Variants in DSCAM observed in about 807,000 individuals in gnomAD.
DSCAM encodes the protein cell adhesion molecule DSCAM.
Under a neutral mutation model 217.7 loss-of-function variants are expected in DSCAM, and 47 were observed. The ratio of observed to expected loss-of-function variants is 0.22; its 90% confidence interval spans 0.17 to 0.28. The LOEUF is 0.28. Ranked by LOEUF, DSCAM falls within the 10% of genes least tolerant of loss-of-function variation. The pLI is 1.00. For synonymous variants in DSCAM, 1,056 were observed against 1,015.3 expected, an observed-to-expected ratio of 1.04 and a Z score of -0.76; for missense variants, 2,080 against 2,618.3, an observed-to-expected ratio of 0.79 and a Z score of 4.49.
intron 3 of DSCAM, among the ~76,000 whole-genome samples, chr21:40,474,904 C>T (rs1205800431): frequency 1.3e-5 from 2 of 152,058 alleles, no homozygotes; most frequent in Non-Finnish European, 2.9e-5. Context: ...CCAGTGCAGG[C>T]AGACCCACAC....
intron 20 of DSCAM, among the ~76,000 whole-genome samples, chr21:40,106,012 C>T (rs1258681731): frequency 1.3e-5 from 2 of 152,058 alleles, no homozygotes; most frequent in African/African-American, 4.8e-5. Context: ...TGAAGAAATA[C>T]CAGAGACTGT....
intron 3 of DSCAM, among the ~76,000 whole-genome samples, chr21:40,581,839 AATTT>A (rs1447205369): frequency 2.0e-5 from 3 of 152,242 alleles, no homozygotes; most frequent in South Asian, 2.1e-4. Context: ...CATATAGAAG[AATTT>A]CTTTCTTTTA....
rs2088082348 is a variant in DSCAM, at chr21:40,012,866, G to A, written c.*168C>T. 2.1e-6 allele frequency: 1 copy of A among 486,632 alleles called. No individual in the cohort carries two copies. The highest frequency in any genetic ancestry group is 2.0e-5 in the African/African-American group (1 of 49,728). The allele number at this position is 486,632 out of a possible 1,614,324, so 30.1% of individuals were successfully genotyped here. On this transcript the variant is annotated 3_prime_UTR_variant, in exon 33 of 33. Coordinates refer to ENST00000400454, the MANE Select transcript of DSCAM (RefSeq NM_001389.5). The stretch of plus-strand genomic sequence containing the variant: ...GAGCTCACACTCAGACAGAAAAAAA[G>A]CAGGAGAGTCTTTGCACTGTCTGTG...
intron 3 of DSCAM, among the ~76,000 whole-genome samples, chr21:40,662,155 A>G (rs1362810586): frequency 6.6e-6 from 1 of 152,156 alleles, no homozygotes; most frequent in Non-Finnish European, 1.5e-5. Context: ...AAAACACAAC[A>G]CTGTGAAAAG....
At chr21:40,644,885 T>C (rs572317624) in intron 3 of DSCAM, among the ~76,000 whole-genome samples, 1 of 152,364 alleles carries the variant, frequency 6.6e-6, no homozygotes, top group Non-Finnish European at 1.5e-5. Flanking sequence ...ATAGTCATTC[T>C]TCTTTTTAAA....
chr21:40,044,385 C>T, intron 30 of DSCAM, 110 bp from the exon 31 acceptor site: 1 of 1,148,174 alleles, frequency 8.7e-7, no homozygotes, highest in Non-Finnish European at 1.2e-6. Context: ...CGCCCACGCC[C>T]TCCAGGAAAA....
chr21:40,818,893 A>G (rs936668894), intron 1 of DSCAM, among the ~76,000 whole-genome samples: 4 of 152,206 alleles, frequency 2.6e-5, no homozygotes, highest in African/African-American at 7.2e-5. Flanking sequence ...CCACATAATT[A>G]TTTTATATAA....
At chr21:40,163,070 A>AACACACACACACACACACACAC (rs3069756) in intron 16 of DSCAM, among the ~76,000 whole-genome samples, 12 of 143,128 alleles carry the variant, frequency 8.4e-5, no homozygotes, top group African/African-American at 3.1e-4. Flanking sequence ...GACCATGGCA[A>AACACACACACACACACACACAC]ACACACACAC....
At chr21:40,752,175 T>C (rs2837808) in intron 1 of DSCAM, among the ~76,000 whole-genome samples, 118,835 of 152,228 alleles carry the variant, frequency 0.78, 46,549 homozygotes, top group African/African-American at 0.82. Flanking sequence ...ATGGTTTTAT[T>C]ATAGTGTGAA....
At chr21:40,309,351 CTT>C (rs1293020805) in intron 9 of DSCAM, among the ~76,000 whole-genome samples, 1 of 152,170 alleles carries the variant, frequency 6.6e-6, no homozygotes, top group Non-Finnish European at 1.5e-5. Flanking sequence ...TGGTTTTCCT[CTT>C]TGTCTACTTT....
intron 4 of DSCAM, among the ~76,000 whole-genome samples, chr21:40,353,959 T>C (rs942020237): frequency 2.0e-5 from 3 of 152,228 alleles, no homozygotes; most frequent in African/African-American, 7.2e-5. Flanking sequence ...GGTCAGAGCT[T>C]CTGTTGGTCA....
At chr21:40,362,982 C>T (rs911618265) in intron 4 of DSCAM, among the ~76,000 whole-genome samples, 1 of 152,096 alleles carries the variant, frequency 6.6e-6, no homozygotes, top group Non-Finnish European at 1.5e-5. Flanking sequence ...CTGACGAGAG[C>T]CGCTTTATGT....
chr21:40,476,730 T>G (rs942341792), intron 3 of DSCAM, among the ~76,000 whole-genome samples: 1 of 152,042 alleles, frequency 6.6e-6, no homozygotes, highest in African/African-American at 2.4e-5. Context: ...AGGGAAAGCT[T>G]TGATGGGAAG....
chr21:40,454,683 T>C (rs1164689746), intron 3 of DSCAM, among the ~76,000 whole-genome samples: 4 of 152,206 alleles, frequency 2.6e-5, no homozygotes, highest in Admixed American at 1.3e-4. Context: ...AATGAAAATG[T>C]AGAAGTCGCC....
intron 11 of DSCAM, among the ~76,000 whole-genome samples, chr21:40,203,622 C>T (rs541161158): frequency 9.3e-4 from 142 of 152,356 alleles, no homozygotes; most frequent in African/African-American, 3.2e-3. Context: ...TCTGAATCAT[C>T]TATCAAATGG....
chr21:40,841,990 G>A (rs559629180), intron 1 of DSCAM, among the ~76,000 whole-genome samples: 3 of 152,310 alleles, frequency 2.0e-5, no homozygotes, highest in African/African-American at 7.2e-5. Flanking sequence ...GAGTTTGGGC[G>A]CAGTGAACTT....
At chr21:40,419,553 T>A (rs1601628313) in intron 3 of DSCAM, among the ~76,000 whole-genome samples, 1 of 152,162 alleles carries the variant, frequency 6.6e-6, no homozygotes, top group East Asian at 1.9e-4. Context: ...AGCCATCTTA[T>A]CTTTCATATA....
At chr21:40,609,632 A>G (rs527371119) in intron 3 of DSCAM, among the ~76,000 whole-genome samples, 1 of 152,338 alleles carries the variant, frequency 6.6e-6, no homozygotes, top group South Asian at 2.1e-4. Context: ...GAAGGGATGA[A>G]CTTCTGTGAG....
chr21:40,027,158 A>G (rs1371095335), intron 32 of DSCAM, among the ~76,000 whole-genome samples: 1 of 151,978 alleles, frequency 6.6e-6, no homozygotes, highest in African/African-American at 2.4e-5. Context: ...CTGGATATGA[A>G]ATTCTGGGTT....
Sources: allele counts gnomAD v4.1 joint callset (sites outside exome capture counted in the v4.1 genomes callset), GRCh38; gene constraint gnomAD v4.1.1; transcripts MANE v1.5; gene names NCBI Gene and HGNC (gene_info 2026-07-23, HGNC 2026-07-21).